FBXW8: variants seen among roughly 807,000 people sequenced by gnomAD.
FBXW8 encodes F-box/WD repeat-containing protein 8.
A neutral mutation model predicts 65.3 loss-of-function variants in FBXW8; 57 were observed. The ratio of observed to expected loss-of-function variants is 0.87; its 90% confidence interval spans 0.71 to 1.09. The LOEUF (loss-of-function observed/expected upper bound fraction) is 1.09, where lower values mean the gene tolerates loss of function less well. Among genes scored for constraint, FBXW8 ranks in the 50% least tolerant of loss-of-function variants. The pLI is 0.00. For missense variants in FBXW8, 777 were observed against 814.8 expected (o/e 0.95, Z 0.57); for synonymous variants, 308 against 330.2 (o/e 0.93, Z 0.73).
At chr12:116,933,914 G>A (rs930490777) in intron 2 of FBXW8, among the ~76,000 whole-genome samples, 1 of 152,044 alleles carries the variant, frequency 6.6e-6, no homozygotes, top group Non-Finnish European at 1.5e-5. Flanking sequence ...TTTTAGAGGG[G>A]CTTGCTTTTT....
chr12:116,966,469 A>T lies in FBXW8; in HGVS notation c.835+1615A>T, dbSNP rs1349497669. On this transcript the variant is annotated intron_variant, in intron 5 of 10. Transcript: ENST00000652555. ...AGTCAGCAGTGAATCCAGAACTGTG[A>T]TTGTGTCTCCAGGGCCGTGCTGCGG... 2.0e-5 allele frequency among the ~76,000 whole-genome samples: 3 copies of T among 152,162 alleles called. No individual in the cohort carries two copies. The East Asian group carries it at 5.8e-4, about 29-fold the overall frequency.
At chr12:116,997,241 G>A (rs572715359) in intron 7 of FBXW8, among the ~76,000 whole-genome samples, 1 of 152,262 alleles carries the variant, frequency 6.6e-6, no homozygotes, top group Non-Finnish European at 1.5e-5. Context: ...CTGATACTCT[G>A]TACAACTGAT....
chr12:116,951,294 C>T, intron 4 of FBXW8: 1 of 152,176 alleles, frequency 6.6e-6, no homozygotes, highest in Non-Finnish European at 1.5e-5. Flanking sequence ...TGTAGAGCAT[C>T]TTGTGTTTAT....
chr12:116,979,646 C>T lies in FBXW8; in HGVS notation c.836-5560C>T, dbSNP rs186102038. 4 of 152,250 alleles carry T rather than the reference C, an allele frequency of 2.6e-5. No homozygotes were observed. The East Asian group carries it at 7.7e-4, about 29-fold the overall frequency. The allele number at this position is 152,250 out of a possible 1,614,324, so 9.4% of individuals were successfully genotyped here. A position where few individuals can be genotyped will look rare whatever the true frequency, so the allele number is the denominator to read the frequency against. ...AATCCCAGCACTACTCAGAATTAAT[C>T]ATCTTTTATCCAGCTATTGAGGTTT... On this transcript the variant is annotated intron_variant, in intron 5 of 10. Coordinates refer to ENST00000652555, the MANE Select transcript of FBXW8 (RefSeq NM_153348.3).
intron 7 of FBXW8, among the ~76,000 whole-genome samples, chr12:117,008,163 G>T (rs190427265): frequency 1.3e-3 from 194 of 152,314 alleles, no homozygotes; most frequent in Middle Eastern, 6.8e-3. Flanking sequence ...CTCAGTATCA[G>T]ATTTCAGTTC....
chr12:116,964,563 TA>T, intron 4 of FBXW8, 133 bp from the exon 5 acceptor site: 1 of 947,436 alleles, frequency 1.1e-6, no homozygotes, highest in Non-Finnish European at 1.6e-6. Context: ...GTCACTCATC[TA>T]AACAGTGCCT....
chr12:116,911,331 G>T lies in FBXW8; in HGVS notation c.294G>T (p.Leu98=). Residue 98 remains leucine (L), a synonymous_variant, in exon 1 of 11, where the codon CTG becomes CTT. Transcript: ENST00000652555. ...AREGAGGGEQ[L]VDQLIRDLNE... ...AGGGCGCCGGGGGCGGGGAGCAGCT[G>T]GTGGACCAGCTCATCCGCGACCTGG... 7.8e-7 allele frequency: 1 copy of T among 1,283,848 alleles called. No individual in the cohort carries two copies. The highest frequency in any genetic ancestry group is 9.8e-7 in the Non-Finnish European group (1 of 1,019,356). 79.5% of individuals were successfully genotyped at this position (1,283,848 alleles called of 1,614,324 possible). A position where few individuals can be genotyped will look rare whatever the true frequency, so the allele number is the denominator to read the frequency against.
chr12:116,945,640 A>G lies in FBXW8; in HGVS notation c.588+112A>G, dbSNP rs1882883671. On this transcript the variant is annotated intron_variant, in intron 3 of 10. Transcript: ENST00000652555. The stretch of plus-strand genomic sequence containing the variant: ...TTGCCAACAGCGAAGGGAGAGGGGT[A>G]CACTGAGCCTCCCCTTCAGCTGTTG... 4.1e-6 allele frequency: 4 copies of G among 975,952 alleles called. No individual in the cohort carries two copies. The Admixed American group carries it at 7.8e-5, about 19-fold the overall frequency. 60.5% of individuals were successfully genotyped at this position (975,952 alleles called of 1,614,324 possible).
chr12:117,027,075 CTG>C (rs1954249682), intron 9 of FBXW8, among the ~76,000 whole-genome samples: 1 of 152,210 alleles, frequency 6.6e-6, no homozygotes, highest in African/African-American at 2.4e-5. Flanking sequence ...GGGCCAGTCT[CTG>C]TTGCATGTGG....
intron 5 of FBXW8, among the ~76,000 whole-genome samples, chr12:116,969,183 A>G (rs998857768): frequency 2.6e-5 from 4 of 152,200 alleles, no homozygotes; most frequent in Non-Finnish European, 2.9e-5. Flanking sequence ...GGTAAAATCT[A>G]TAAGTGCTTC....
Position 116,915,055 on chromosome 12 carries a change from G to A in FBXW8, c.318+3700G>A, listed in dbSNP as rs560787433. Among the ~76,000 whole-genome samples, 7 of 152,290 alleles carry A rather than the reference G, an allele frequency of 4.6e-5. No homozygotes were observed. In the South Asian group the frequency reaches 8.3e-4, roughly 18 times the overall value. On this transcript the variant is annotated intron_variant, in intron 1 of 10. Coordinates refer to ENST00000652555, the MANE Select transcript of FBXW8 (RefSeq NM_153348.3). ...GGCTATTTTCAACTAATCTGTAGAT[G>A]AGCATTAGGAAAGTAACTGATTTTT...
At position 116,911,130 on chromosome 12, in the gene FBXW8, T is replaced by A. The variant is rs1310320840; in HGVS notation, c.93T>A (p.Ala31=). Residue 31 remains alanine, a synonymous_variant, in exon 1 of 11, where the codon GCT becomes GCA. Coordinates refer to ENST00000652555, the MANE Select transcript of FBXW8 (RefSeq NM_153348.3). Reference sequence around the variant, plus strand: ...CGAAGAAGCGGCGACGGCCCGAGGCTGCCGAGAGGCGGGCTCGGCGGCCGG... The same window carrying A: ...CGAAGAAGCGGCGACGGCCCGAGGCAGCCGAGAGGCGGGCTCGGCGGCCGG... ...QAPKKRRRPE[A]AERRARRPEV... is the part of the protein sequence containing the mutation. 1 of 1,368,676 alleles carries A rather than the reference T, an allele frequency of 7.3e-7. No homozygotes were observed. The highest frequency in any genetic ancestry group is 9.3e-7 in the Non-Finnish European group (1 of 1,071,496). The allele number at this position is 1,368,676 out of a possible 1,614,324, so 84.8% of individuals were successfully genotyped here.
chr12:116,973,044 A>T (rs1477898271), intron 5 of FBXW8, among the ~76,000 whole-genome samples: 1 of 152,214 alleles, frequency 6.6e-6, no homozygotes, highest in Non-Finnish European at 1.5e-5. Context: ...AAGGACACAT[A>T]AGTGAGCTTG....
intron 8 of FBXW8, among the ~76,000 whole-genome samples, chr12:117,022,471 C>T (rs550637672): frequency 6.6e-6 from 1 of 151,446 alleles, no homozygotes; most frequent in Admixed American, 6.6e-5. Flanking sequence ...CTGAGCAACA[C>T]AGCAAAACCG....
intron 2 of FBXW8, among the ~76,000 whole-genome samples, chr12:116,935,260 A>G (rs1457211397): frequency 1.3e-5 from 2 of 152,190 alleles, no homozygotes; most frequent in Non-Finnish European, 2.9e-5. Flanking sequence ...AGAACCAAAG[A>G]CCAGCATATT....
At chr12:117,003,336 TTC>T (rs1272449243) in intron 7 of FBXW8, among the ~76,000 whole-genome samples, 1 of 152,230 alleles carries the variant, frequency 6.6e-6, no homozygotes, top group Non-Finnish European at 1.5e-5. Context: ...CCAAAGGAGC[TTC>T]TGTTCCTTCC....
intron 5 of FBXW8, among the ~76,000 whole-genome samples, chr12:116,968,545 TTG>T (rs1219565263): frequency 3.3e-5 from 5 of 152,186 alleles, no homozygotes; most frequent in African/African-American, 1.2e-4. Flanking sequence ...GACAGTTGTG[TTG>T]TGTTTGCCGT....
At chr12:116,915,781 TAGCTG>T (rs1244394581) in intron 1 of FBXW8, among the ~76,000 whole-genome samples, 2 of 151,784 alleles carry the variant, frequency 1.3e-5, no homozygotes, top group Non-Finnish European at 2.9e-5. Context: ...GCCTCCTTAG[TAGCTG>T]TGACTACAGG....
chr12:116,991,944 G>A (rs1172418835), intron 7 of FBXW8, among the ~76,000 whole-genome samples: 1 of 152,112 alleles, frequency 6.6e-6, no homozygotes. Context: ...CATGAGCATG[G>A]AGTAATAATG....
Sources: gnomAD v4.1 joint callset for allele counts (sites outside exome capture counted in the v4.1 genomes callset) on GRCh38, gnomAD v4.1.1 for gene constraint, MANE v1.5 for transcripts, NCBI Gene and HGNC (gene_info 2026-07-23, HGNC 2026-07-21) for gene names.